CDC14A: variants seen among roughly 807,000 people sequenced by gnomAD.
CDC14A encodes the protein cell division cycle 14A.
A neutral mutation model predicts 74.4 loss-of-function variants in CDC14A; 53 were observed. That is an observed-to-expected ratio of 0.71 (90% CI 0.57 to 0.89). The LOEUF (loss-of-function observed/expected upper bound fraction) is 0.89. CDC14A is among the 40% of genes least tolerant of loss of function. The probability of loss-of-function intolerance (pLI) is 0.00; values close to 1 mark genes in which losing one functional copy is unlikely to be tolerated. For missense variants in CDC14A, 646 were observed against 713.7 expected, an observed-to-expected ratio of 0.91 and a Z score of 1.08; for synonymous variants, 247 against 258.4, an observed-to-expected ratio of 0.96 and a Z score of 0.43.
intron 15 of CDC14A, chr1:100,505,007 T>C (rs1308890066): frequency 1.5e-6 from 2 of 1,322,246 alleles, no homozygotes; most frequent in African/African-American, 1.5e-5. Flanking sequence ...TGAACATCTA[T>C]ATTTGTTTAC....
At chr1:100,513,398 A>G (rs1196891067) in intron 15 of CDC14A, among the ~76,000 whole-genome samples, 3 of 152,134 alleles carry the variant, frequency 2.0e-5, no homozygotes, top group Non-Finnish European at 4.4e-5. Context: ...TAACTAGTAC[A>G]CTATTGTTTA....
intron 2 of CDC14A, among the ~76,000 whole-genome samples, chr1:100,376,385 A>G (rs1655267275): frequency 1.3e-5 from 2 of 152,162 alleles, no homozygotes; most frequent in Admixed American, 6.5e-5. Context: ...AGGATGAATT[A>G]TAGTAGTAGC....
chr1:100,407,691 A>C (rs1660136178), intron 4 of CDC14A, among the ~76,000 whole-genome samples: 1 of 152,018 alleles, frequency 6.6e-6, no homozygotes. Context: ...AATACCCTTT[A>C]TTTCTTTCTC....
At chr1:100,387,204 A>G (rs1657006194) in intron 3 of CDC14A, among the ~76,000 whole-genome samples, 1 of 152,202 alleles carries the variant, frequency 6.6e-6, no homozygotes, top group East Asian at 1.9e-4. Context: ...AGACATTAGC[A>G]AAAGGCCTAA....
rs746076992 is a variant in CDC14A, at chr1:100,467,985, G to C, written c.868G>C (p.Ala290Pro). The C allele has an allele frequency of 6.2e-7, 1 of 1,606,962 alleles. No individual in the cohort carries two copies. The highest frequency in any genetic ancestry group is 1.1e-5 in the South Asian group (1 of 89,644). The change falls in exon 10 of 16, where the codon GCC (alanine) becomes CCC (proline). Residue 290 changes from alanine to proline, a missense_variant. By Grantham distance (27) the Ala-to-Pro change is conservative. Transcript: ENST00000336454. Reference sequence around the variant, plus strand: ...TCTTGGAAGAACAGGGACATTGATAGCCTGTTATGTAATGAAACACTACAG... The same window carrying C: ...TCTTGGAAGAACAGGGACATTGATACCCTGTTATGTAATGAAACACTACAG... The part of the protein sequence containing the change: ...AGLGRTGTLI[A>P]CYVMKHYRFT...
At chr1:100,444,546 T>C (rs1323275847) in intron 7 of CDC14A, among the ~76,000 whole-genome samples, 1 of 152,204 alleles carries the variant, frequency 6.6e-6, no homozygotes, top group Non-Finnish European at 1.5e-5. Context: ...TACTCTGTGT[T>C]CCAGCTCCTC....
intron 5 of CDC14A, among the ~76,000 whole-genome samples, chr1:100,432,976 C>A (rs1445903765): frequency 6.6e-6 from 1 of 152,124 alleles, no homozygotes; most frequent in Non-Finnish European, 1.5e-5. Flanking sequence ...CAGTCTTGAA[C>A]TCCTGAATTC....
chr1:100,428,766 C>G (rs1387519955), intron 5 of CDC14A, among the ~76,000 whole-genome samples: 1 of 152,134 alleles, frequency 6.6e-6, no homozygotes, highest in East Asian at 1.9e-4. Context: ...GATAACCAAT[C>G]TAAATTGTAC....
intron 10 of CDC14A, among the ~76,000 whole-genome samples, chr1:100,474,647 C>A (rs1668716506): frequency 6.7e-6 from 1 of 149,420 alleles, no homozygotes; most frequent in African/African-American, 2.5e-5. Flanking sequence ...GTTTGCAGAG[C>A]CTGTAGTGAT....
At chr1:100,515,108 T>C (rs1201802398) in intron 15 of CDC14A, among the ~76,000 whole-genome samples, 1 of 152,224 alleles carries the variant, frequency 6.6e-6, no homozygotes, top group Non-Finnish European at 1.5e-5. Flanking sequence ...GGCACTCATC[T>C]GGCTTATCTA....
At chr1:100,435,511 A>C (rs1211436251) in intron 5 of CDC14A, among the ~76,000 whole-genome samples, 1 of 152,074 alleles carries the variant, frequency 6.6e-6, no homozygotes, top group Non-Finnish European at 1.5e-5. Context: ...AATACACCAA[A>C]CCCCACTGAA....
intron 15 of CDC14A, among the ~76,000 whole-genome samples, chr1:100,516,258 ATGTG>A (rs955134903): frequency 6.6e-6 from 1 of 151,890 alleles, no homozygotes; most frequent in East Asian, 1.9e-4. Flanking sequence ...GAATATATAT[ATGTG>A]TGTGTTTATA....
chr1:100,474,502 T>A (rs1253094406), intron 10 of CDC14A, among the ~76,000 whole-genome samples: 4 of 152,128 alleles, frequency 2.6e-5, no homozygotes, highest in Non-Finnish European at 5.9e-5. Flanking sequence ...TTAATAGATA[T>A]AAGGCTATTT....
At chr1:100,477,424 G>T (rs189623989) in intron 10 of CDC14A, among the ~76,000 whole-genome samples, 3 of 151,898 alleles carry the variant, frequency 2.0e-5, no homozygotes, top group Non-Finnish European at 4.4e-5. Flanking sequence ...GAGGAGTCGT[G>T]TGACTTAAGT....
chr1:100,440,691 G>C (rs1430633364), intron 6 of CDC14A, among the ~76,000 whole-genome samples: 1 of 152,022 alleles, frequency 6.6e-6, no homozygotes, highest in Non-Finnish European at 1.5e-5. Flanking sequence ...TTGATCATAG[G>C]ACATATATAA....
intron 4 of CDC14A, among the ~76,000 whole-genome samples, chr1:100,401,649 G>A (rs1015749804): frequency 2.7e-4 from 41 of 152,284 alleles, no homozygotes; most frequent in Non-Finnish European, 6.0e-4. Flanking sequence ...CTCAATAGGT[G>A]AAACTACTTA....
At chr1:100,401,624 A>G (rs1169076452) in intron 4 of CDC14A, among the ~76,000 whole-genome samples, 1 of 152,170 alleles carries the variant, frequency 6.6e-6, no homozygotes, top group Admixed American at 6.5e-5. Context: ...TACTCTCAGC[A>G]TTGTTTCTGT....
chr1:100,401,767 G>C (rs913717302), intron 4 of CDC14A, among the ~76,000 whole-genome samples: 6 of 152,062 alleles, frequency 3.9e-5, no homozygotes, highest in Non-Finnish European at 8.8e-5. Context: ...GGCCGGCCAC[G>C]GTGGCTCATG....
chr1:100,456,651 A>AT (rs1386033302), intron 8 of CDC14A, among the ~76,000 whole-genome samples: 2 of 152,200 alleles, frequency 1.3e-5, no homozygotes, highest in African/African-American at 4.8e-5. Flanking sequence ...AAAAAAAAAA[A>AT]AAGATTTATT....
Sources: gnomAD v4.1 joint callset for allele counts (sites outside exome capture counted in the v4.1 genomes callset) on GRCh38, gnomAD v4.1.1 for gene constraint, MANE v1.5 for transcripts, NCBI Gene and HGNC (gene_info 2026-07-23, HGNC 2026-07-21) for gene names.